The following PARVA variants were observed in gnomAD, a reference collection of about 807,000 sequenced individuals.
The protein encoded by PARVA is alpha-parvin.
In PARVA, 25 loss-of-function variants were observed where a neutral mutation model predicts 52.6. The ratio of observed to expected loss-of-function variants is 0.48; its 90% CI spans 0.35 to 0.66. The LOEUF is 0.66. Ranked by LOEUF, PARVA falls within the 30% of genes least tolerant of loss-of-function variation. The pLI is 0.01. For synonymous variants in PARVA, 185 were observed against 179.1 expected (o/e 1.03, Z -0.26); for missense variants, 373 against 450.9 (o/e 0.83, Z 1.56).
chr11:12,525,072 C>T (rs1941684121), intron 12 of PARVA, among the ~76,000 whole-genome samples: 2 of 152,118 alleles, frequency 1.3e-5, no homozygotes, highest in Non-Finnish European at 2.9e-5. Flanking sequence ...AAGCATGGCC[C>T]ATGGGGAGGG....
At position 12,518,449 on chromosome 11, in the gene PARVA, T is replaced by C; in HGVS notation, c.974T>C (p.Leu325Ser). ...TGTCTGCATCTCTCTTGCCAGGTCT[T>C]GAATGTCTCCTTTGCCTTTGAGCTC... Reference protein sequence around the residue: ...LTPDSFEQKVLNVSFAFELMQ... With the variant: ...LTPDSFEQKVSNVSFAFELMQ... The change falls in exon 12 of 13, where the codon TTG becomes TCG. Residue 325 changes from leucine (L) to serine (S), a missense_variant. Leu to Ser is a moderately radical substitution (Grantham distance 145, BLOSUM62 -2). Transcript: ENST00000334956. The C allele has an allele frequency of 6.2e-7, 1 of 1,613,388 alleles. No homozygotes were observed. Among genetic ancestry groups the C allele is most frequent in the South Asian group, 1.1e-5 (1 of 90,970 alleles).
chr11:12,514,576 C>T (rs1340881340), intron 10 of PARVA, among the ~76,000 whole-genome samples: 1 of 152,170 alleles, frequency 6.6e-6, no homozygotes. Flanking sequence ...CAACCTCTGC[C>T]TCCCAGGTTC....
At chr11:12,416,955 T>C (rs891138949) in intron 1 of PARVA, among the ~76,000 whole-genome samples, 7 of 152,164 alleles carry the variant, frequency 4.6e-5, no homozygotes, top group Non-Finnish European at 8.8e-5. Context: ...TTTAGATTAC[T>C]AAAGTCAAAA....
At chr11:12,490,768 T>G (rs979740853) in intron 4 of PARVA, among the ~76,000 whole-genome samples, 1 of 152,154 alleles carries the variant, frequency 6.6e-6, no homozygotes, top group African/African-American at 2.4e-5. Context: ...CAAGATAGAA[T>G]CAGAATCCCA....
chr11:12,473,465 G>A (rs551329830), intron 1 of PARVA, among the ~76,000 whole-genome samples: 1 of 152,228 alleles, frequency 6.6e-6, no homozygotes, highest in South Asian at 2.1e-4. Flanking sequence ...CATTCATTCC[G>A]AAATCTTTTC....
chr11:12,470,988 T>G (rs1009989434), intron 1 of PARVA, among the ~76,000 whole-genome samples: 1 of 152,190 alleles, frequency 6.6e-6, no homozygotes, highest in African/African-American at 2.4e-5. Context: ...GAGAAGTGTT[T>G]GGAATTGGGT....
At chr11:12,495,898 T>C (rs1941292351) in intron 4 of PARVA, among the ~76,000 whole-genome samples, 1 of 152,182 alleles carries the variant, frequency 6.6e-6, no homozygotes, top group African/African-American at 2.4e-5. Context: ...TGGCAGCCAT[T>C]GTAGGATGCC....
intron 4 of PARVA, among the ~76,000 whole-genome samples, chr11:12,489,109 G>A (rs1420233822): frequency 6.6e-6 from 1 of 151,550 alleles, no homozygotes; most frequent in Non-Finnish European, 1.5e-5. Context: ...AGGATTGCTT[G>A]AGCCCAGGAG....
At chr11:12,460,506 G>A (rs1021691585) in intron 1 of PARVA, among the ~76,000 whole-genome samples, 2 of 151,190 alleles carry the variant, frequency 1.3e-5, no homozygotes, top group African/African-American at 4.9e-5. Flanking sequence ...CATCATCATC[G>A]ATGACAGGAG....
At chr11:12,450,272 A>G (rs1300896121) in intron 1 of PARVA, among the ~76,000 whole-genome samples, 5 of 152,234 alleles carry the variant, frequency 3.3e-5, no homozygotes, top group Non-Finnish European at 7.3e-5. Flanking sequence ...TGGAATAGAT[A>G]TTCTCTAAAT....
chr11:12,455,675 C>CTGAT (rs1331344922), intron 1 of PARVA, among the ~76,000 whole-genome samples: 1 of 152,144 alleles, frequency 6.6e-6, no homozygotes, highest in Non-Finnish European at 1.5e-5. Context: ...CCAAGGAGCT[C>CTGAT]TGATTGCTTT....
intron 1 of PARVA, among the ~76,000 whole-genome samples, chr11:12,450,619 G>A (rs1005557950): frequency 6.6e-6 from 1 of 152,202 alleles, no homozygotes; most frequent in African/African-American, 2.4e-5. Flanking sequence ...CTCTCACAAG[G>A]TAAAGTCTCA....
At chr11:12,419,783 T>A (rs10831814) in intron 1 of PARVA, among the ~76,000 whole-genome samples, 46,891 of 152,016 alleles carry the variant, frequency 0.31, 8,517 homozygotes, top group Non-Finnish European at 0.41. Flanking sequence ...CTTATTGTTA[T>A]TTTTGTTATT....
chr11:12,506,456 C>A (rs908267800), intron 6 of PARVA, among the ~76,000 whole-genome samples: 1 of 152,122 alleles, frequency 6.6e-6, no homozygotes, highest in Non-Finnish European at 1.5e-5. Flanking sequence ...AATAAACAGC[C>A]CTCTAACAGA....
At chr11:12,437,351 A>C (rs1022825876) in intron 1 of PARVA, among the ~76,000 whole-genome samples, 4 of 152,212 alleles carry the variant, frequency 2.6e-5, no homozygotes, top group African/African-American at 9.6e-5. Context: ...CCTTCCAGGA[A>C]GCCTTCTCTT....
At chr11:12,432,166 CTTT>C (rs749771766) in intron 1 of PARVA, among the ~76,000 whole-genome samples, 1 of 152,168 alleles carries the variant, frequency 6.6e-6, no homozygotes, top group Admixed American at 6.5e-5. Context: ...AGTAGTGACT[CTTT>C]TTTCCTCATT....
intron 12 of PARVA, 24 bp downstream of exon 12, chr11:12,518,541 G>A (rs377324390): frequency 9.5e-6 from 15 of 1,573,188 alleles, no homozygotes; most frequent in Middle Eastern, 1.7e-4. Context: ...TCCTGGGTTT[G>A]TGACAACAGA....
chr11:12,417,743 CTT>C (rs1940087481), intron 1 of PARVA, among the ~76,000 whole-genome samples: 1 of 152,180 alleles, frequency 6.6e-6, no homozygotes, highest in Non-Finnish European at 1.5e-5. Context: ...AGGGAAAAAA[CTT>C]TCCCAAATGT....
intron 1 of PARVA, among the ~76,000 whole-genome samples, chr11:12,385,361 T>A (rs545833037): frequency 1.3e-5 from 2 of 152,210 alleles, no homozygotes; most frequent in African/African-American, 4.8e-5. Flanking sequence ...GCTACCAGAA[T>A]GACCCAGCTG....
Sources: gnomAD v4.1 joint callset for allele counts (sites outside exome capture counted in the v4.1 genomes callset) on GRCh38, gnomAD v4.1.1 for gene constraint, MANE v1.5 for transcripts, NCBI Gene and HGNC (gene_info 2026-07-23, HGNC 2026-07-21) for gene names.